Variants in MDN1 observed in about 807,000 individuals in gnomAD.
The protein encoded by MDN1 is midasin AAA ATPase 1.
A neutral mutation model predicts 669.2 loss-of-function variants in MDN1; 266 were observed. The observed-to-expected ratio is 0.40, with a 90% confidence interval of 0.36 to 0.44. MDN1 has a LOEUF of 0.44. Ranked by LOEUF, MDN1 falls within the 20% of genes least tolerant of loss-of-function variation. The pLI, the probability that MDN1 is intolerant of heterozygous loss-of-function variation, is 1.00. For missense variants in MDN1, 5,940 were observed against 6,754.0 expected (o/e 0.88, Z 4.22); for synonymous variants, 2,385 against 2,457.1 (o/e 0.97, Z 0.87).
rs148243548 is a variant in MDN1 at position 89,676,187 on chromosome 6, G to A, written c.12560C>T (p.Ser4187Phe). ...ADSRLLTEIS[S>F]SWDGCQKYFY... ...ATACTTCTGGCATCCATCCCATGAA[G>A]ACGAGATTTCTGTAAGCAGCCTGGA... The change falls in exon 77 of 102, where the codon TCT (serine) becomes TTT (phenylalanine). Residue 4187 changes from serine to phenylalanine, a missense_variant. Ser to Phe is a radical substitution (Grantham distance 155). This residue lies in a region of MDN1 where 2,280 missense variants were observed against 2,576.3 expected (regional missense o/e 0.88). Coordinates refer to ENST00000369393, the MANE Select transcript of MDN1 (RefSeq NM_014611.3). 1.9e-5 allele frequency: 31 copies of A among 1,614,082 alleles called. No homozygotes were observed. The African/African-American group carries it at 3.7e-4, about 19-fold the overall frequency.
At chr6:89,745,134 T>TAA (rs60588845) in intron 29 of MDN1, 139 bp downstream of exon 29, 71,198 of 280,600 alleles carry the variant, frequency 0.25, 8,471 homozygotes, top group East Asian at 0.51. Flanking sequence ...AGTCTCTTCT[T>TAA]AAAAAAAAAA....
At chr6:89,711,658 T>C (rs1562124903) in intron 49 of MDN1, among the ~76,000 whole-genome samples, 1 of 152,210 alleles carries the variant, frequency 6.6e-6, no homozygotes, top group Non-Finnish European at 1.5e-5. Context: ...GAATCTTATA[T>C]ACTTTTAGAG....
chr6:89,786,145 G>T (rs1423187655), intron 8 of MDN1, among the ~76,000 whole-genome samples: 1 of 152,130 alleles, frequency 6.6e-6, no homozygotes, highest in Non-Finnish European at 1.5e-5. Context: ...TGTAGTCCCA[G>T]ATACCTGGGA....
intron 3 of MDN1, 126 bp downstream of exon 3, chr6:89,794,451 C>A (rs201025854): frequency 1.1e-6 from 1 of 945,062 alleles, no homozygotes; most frequent in Non-Finnish European, 1.6e-6. Context: ...AGTAAAACCC[C>A]AAAAGCCACA....
chr6:89,738,165 T>G (rs916577479), intron 33 of MDN1, among the ~76,000 whole-genome samples, 161 bp downstream of exon 33: 2 of 152,206 alleles, frequency 1.3e-5, no homozygotes, highest in African/African-American at 4.8e-5. Context: ...GGTAACAGAA[T>G]AGTAATATTC....
At chr6:89,796,972 G>A (rs1318978640) in intron 2 of MDN1, among the ~76,000 whole-genome samples, 1 of 152,132 alleles carries the variant, frequency 6.6e-6, no homozygotes, top group Non-Finnish European at 1.5e-5. Flanking sequence ...GGAGGCTGAG[G>A]CAGAAGAATC....
intron 83 of MDN1, among the ~76,000 whole-genome samples, chr6:89,670,166 ATATATTTTTTTTTT>A (rs1303328452): frequency 1.7e-4 from 3 of 17,716 alleles, no homozygotes; most frequent in African/African-American, 9.5e-4. Context: ...ATATATATAT[ATATATTTTTTTTTT>A]TTTTTTTTTT....
chr6:89,760,025 T>C lies in MDN1; in HGVS notation c.2461-1065A>G, dbSNP rs571740775. 5.9e-5 allele frequency among the ~76,000 whole-genome samples: 9 copies of C among 152,022 alleles called. No homozygotes were observed. The South Asian group carries it at 8.3e-4, about 14-fold the overall frequency. Reference sequence around the variant, plus strand: ...AGGCAGAGGTTGCAGTGAGCCAAGATTGCACCACCGCACTCCAGCCTGGGT... The same window carrying C: ...AGGCAGAGGTTGCAGTGAGCCAAGACTGCACCACCGCACTCCAGCCTGGGT... On this transcript the variant is annotated intron_variant, in intron 17 of 101. Transcript: ENST00000369393.
chr6:89,676,147 A>G lies in MDN1; in HGVS notation c.12600T>C (p.Leu4200=), dbSNP rs756297850. 6.2e-7 allele frequency: 1 copy of G among 1,614,242 alleles called. No individual in the cohort carries two copies. Among genetic ancestry groups the G allele is most frequent in the Non-Finnish European group, 8.5e-7 (1 of 1,180,052 alleles). The change falls in exon 77 of 102, where the codon CTT becomes CTC. Residue 4200 remains leucine, a synonymous_variant. Transcript: ENST00000369393. ...DGCQKYFYRS[L]ARHARLNAAL... ...CTGCGTTAAGCCTGGCATGCCGTGC[A>G]AGAGAGCGATAAAAATACTTCTGGC...
At chr6:89,768,006 C>G (rs1329773885) in intron 15 of MDN1, among the ~76,000 whole-genome samples, 1 of 151,924 alleles carries the variant, frequency 6.6e-6, no homozygotes, top group African/African-American at 2.4e-5. Context: ...GGTGCCACTG[C>G]ACTCCAGCCT....
intron 2 of MDN1, chr6:89,797,811 T>C: frequency 3.8e-6 from 1 of 266,270 alleles, no homozygotes. Context: ...TGCTCATTAA[T>C]GAATGATGCT....
intron 84 of MDN1, 43 bp from the exon 85 acceptor site, chr6:89,664,671 A>G (rs769599964): frequency 1.3e-6 from 2 of 1,512,822 alleles, no homozygotes; most frequent in Admixed American, 3.7e-5. Context: ...AAACTTTACC[A>G]ATGTTTGCTT....
At chr6:89,780,641 CTTTTTTTT>C (rs575664748) in intron 10 of MDN1, among the ~76,000 whole-genome samples, 2 of 131,216 alleles carry the variant, frequency 1.5e-5, no homozygotes, top group Non-Finnish European at 3.2e-5. Flanking sequence ...ATGCCATTTC[CTTTTTTTT>C]TTTTTTTTTT....
rs1813005675 is a variant in MDN1 at position 89,699,651 on chromosome 6, C to T, written c.8947G>A (p.Val2983Ile). ...LISFCLYHTP[V>I]TPQELRDLWS... ...AGATCTCGAAGCTCTTGAGGTGTAA[C>T]AGGTGTGTGATAAAGACAAAATGAG... The change falls in exon 58 of 102, where the codon GTT becomes ATT. Residue 2983 changes from valine to isoleucine, a missense_variant. By Grantham distance (29) the Val-to-Ile change is conservative. Transcript: ENST00000369393. 6.2e-7 allele frequency: 1 copy of T among 1,613,938 alleles called. No individual in the cohort carries two copies. The highest frequency in any genetic ancestry group is 8.5e-7 in the Non-Finnish European group (1 of 1,179,950).
chr6:89,693,973 G>A lies in MDN1; in HGVS notation c.9881+101C>T, dbSNP rs1812550429. 5 of 910,920 alleles carry A rather than the reference G, an allele frequency of 5.5e-6. No homozygotes were observed. The Admixed American group carries it at 5.7e-5, about 10-fold the overall frequency. 56.4% of individuals were successfully genotyped at this position (910,920 alleles called of 1,614,324 possible). On this transcript the variant is annotated intron_variant, in intron 62 of 101. Coordinates refer to ENST00000369393, the MANE Select transcript of MDN1 (RefSeq NM_014611.3). ...GCTTTGGCATCTAATTGCTAATGTA[G>A]TTTAGAGGTGTATATTATCACTTCT...
chr6:89,646,753 A>G lies in MDN1; in HGVS notation c.16396-150T>C, dbSNP rs991106234. On this transcript the variant is annotated intron_variant, in intron 99 of 101. Coordinates refer to ENST00000369393, the MANE Select transcript of MDN1 (RefSeq NM_014611.3). Reference sequence around the variant, plus strand: ...TCAACTAACTGTCCCTTCTGGCCGTATGTAGTTAAAAAAGGAGGATCCTTG... The same window carrying G: ...TCAACTAACTGTCCCTTCTGGCCGTGTGTAGTTAAAAAAGGAGGATCCTTG... The G allele has an allele frequency of 5.2e-5, 34 of 648,694 alleles. No homozygotes were observed. In the Middle Eastern group the frequency reaches 7.7e-4, roughly 15 times the overall value. 40.2% of individuals were successfully genotyped at this position (648,694 alleles called of 1,614,324 possible).
chr6:89,665,284 C>T (rs539084010), intron 84 of MDN1, among the ~76,000 whole-genome samples: 6 of 152,268 alleles, frequency 3.9e-5, no homozygotes, highest in South Asian at 2.1e-4. Context: ...GCCTCGGCCT[C>T]CCAAAGTGGC....
In MDN1 at chr6:89,687,331, G is replaced by A. The variant is rs761312510; in HGVS notation, c.11450+13C>T. 1.7e-5 allele frequency: 28 copies of A among 1,610,606 alleles called. No homozygotes were observed. The highest frequency in any genetic ancestry group is 1.7e-4 in the Middle Eastern group (1 of 6,052). On this transcript the variant is annotated intron_variant, in intron 68 of 101. Coordinates refer to ENST00000369393, the MANE Select transcript of MDN1 (RefSeq NM_014611.3). Reference sequence around the variant, plus strand: ...ACAACCTAAGTTTAGGAGAGGGAAGGAGAGTCACTTACTTCAGCTCCAGTT... The same window carrying A: ...ACAACCTAAGTTTAGGAGAGGGAAGAAGAGTCACTTACTTCAGCTCCAGTT...
intron 46 of MDN1, among the ~76,000 whole-genome samples, chr6:89,714,002 G>A (rs1814146191): frequency 6.6e-6 from 1 of 150,620 alleles, no homozygotes; most frequent in African/African-American, 2.4e-5. Flanking sequence ...TCACGCCACT[G>A]CAGTCCAGCC....
Sources: allele counts gnomAD v4.1 joint callset (sites outside exome capture counted in the v4.1 genomes callset), GRCh38; gene constraint gnomAD v4.1.1; regional missense constraint gnomAD v4.1.1; transcripts MANE v1.5; gene names NCBI Gene and HGNC (gene_info 2026-07-23, HGNC 2026-07-21).